ESCO1: variants seen among roughly 807,000 people sequenced by gnomAD.
ESCO1 encodes N-acetyltransferase ESCO1.
Under a neutral mutation model 83.5 loss-of-function variants are expected in ESCO1, and 33 were observed. The observed-to-expected ratio is 0.40, with a 90% CI of 0.30 to 0.53. ESCO1 has a LOEUF of 0.53. Ranked by LOEUF, ESCO1 falls within the 20% of genes least tolerant of loss-of-function variation. The pLI, the probability that ESCO1 is intolerant of heterozygous loss-of-function variation, is 0.63. For synonymous variants in ESCO1, 332 were observed against 324.3 expected, an observed-to-expected ratio of 1.02 and a Z score of -0.25; for missense variants, 855 against 968.0, an observed-to-expected ratio of 0.88 and a Z score of 1.55.
chr18:21,582,694 G>A (rs1027652683), intron 2 of ESCO1, among the ~76,000 whole-genome samples: 2 of 152,056 alleles, frequency 1.3e-5, no homozygotes, highest in African/African-American at 4.8e-5. Context: ...ACAAATGGCT[G>A]GTATAATAGA....
intron 1 of ESCO1, among the ~76,000 whole-genome samples, chr18:21,587,779 A>C (rs933169664): frequency 1.3e-5 from 2 of 152,126 alleles, no homozygotes; most frequent in African/African-American, 4.8e-5. Context: ...TCTACAAAAA[A>C]TAAATTAGCC....
intron 8 of ESCO1, among the ~76,000 whole-genome samples, chr18:21,548,882 G>T (rs1046394841): frequency 1.3e-5 from 2 of 151,534 alleles, no homozygotes; most frequent in African/African-American, 4.9e-5. Context: ...CAAGGCAACA[G>T]TGAGCTCATC....
intron 1 of ESCO1, among the ~76,000 whole-genome samples, chr18:21,584,843 GTGA>G (rs947938641): frequency 4.5e-4 from 69 of 152,040 alleles, no homozygotes; most frequent in African/African-American, 1.6e-3. Flanking sequence ...CAAAAAGCCT[GTGA>G]TGATTTTTCA....
At chr18:21,584,159 A>G (rs183001785) in intron 2 of ESCO1, among the ~76,000 whole-genome samples, 151 bp downstream of exon 2, 108 of 152,346 alleles carry the variant, frequency 7.1e-4, no homozygotes, top group African/African-American at 2.2e-3. Context: ...ACTTTTCACT[A>G]TATACCCACT....
chr18:21,534,594 T>C (rs1436415963), intron 10 of ESCO1, among the ~76,000 whole-genome samples: 1 of 151,968 alleles, frequency 6.6e-6, no homozygotes, highest in African/African-American at 2.4e-5. Flanking sequence ...TCATTCAGAG[T>C]TCAACAAAGG....
chr18:21,591,730 A>C (rs888665913), intron 1 of ESCO1, among the ~76,000 whole-genome samples: 3 of 150,418 alleles, frequency 2.0e-5, no homozygotes, highest in African/African-American at 7.4e-5. Context: ...GGGATTTGGC[A>C]GGGTCATAGG....
chr18:21,550,791 T>C (rs2038035255), intron 8 of ESCO1, among the ~76,000 whole-genome samples: 1 of 152,140 alleles, frequency 6.6e-6, no homozygotes, highest in Non-Finnish European at 1.5e-5. Flanking sequence ...CTGTAACTGT[T>C]GTAATAAGAA....
At chr18:21,577,103 C>T (rs1247309294) in intron 2 of ESCO1, among the ~76,000 whole-genome samples, 1 of 151,744 alleles carries the variant, frequency 6.6e-6, no homozygotes, top group Non-Finnish European at 1.5e-5. Context: ...GCCTGTAATC[C>T]CAACACTTTG....
intron 7 of ESCO1, among the ~76,000 whole-genome samples, chr18:21,563,122 C>T (rs1326936595): frequency 2.0e-5 from 3 of 151,718 alleles, no homozygotes; most frequent in African/African-American, 4.8e-5. Flanking sequence ...CCGCCCATTT[C>T]GGCCTCCCAA....
At chr18:21,597,205 A>AACTTCATAAACTT (rs1568117407) in intron 1 of ESCO1, among the ~76,000 whole-genome samples, 1 of 152,194 alleles carries the variant, frequency 6.6e-6, no homozygotes, top group Non-Finnish European at 1.5e-5. Context: ...CACCCAACAT[A>AACTTCATAAACTT]CTGGTCATAA....
intron 9 of ESCO1, among the ~76,000 whole-genome samples, chr18:21,538,016 T>A (rs1347004317): frequency 1.3e-5 from 2 of 149,478 alleles, no homozygotes; most frequent in Admixed American, 6.7e-5. Context: ...AAAAAAAAAA[T>A]CAAGAAAAGG....
intron 1 of ESCO1, among the ~76,000 whole-genome samples, chr18:21,589,592 A>C (rs1271961348): frequency 6.6e-6 from 1 of 152,126 alleles, no homozygotes; most frequent in Non-Finnish European, 1.5e-5. Context: ...CTTTTTCCCC[A>C]AGCTGCTATG....
Position 21,573,578 on chromosome 18 carries a change from A to C in ESCO1, c.1266T>G (p.Phe422Leu), listed in dbSNP as rs1468476715. 2 of 1,614,180 alleles carry C rather than the reference A, an allele frequency of 1.2e-6. No homozygotes were observed. The highest frequency in any genetic ancestry group is 1.7e-6 in the Non-Finnish European group (2 of 1,180,034). Residue 422 changes from phenylalanine to leucine, a missense_variant, in exon 4 of 12, where the codon TTT (phenylalanine) becomes TTG (leucine). By Grantham distance (22) the Phe-to-Leu change is conservative. Transcript: ENST00000269214. The stretch of plus-strand genomic sequence containing the variant: ...GATGCATTTCTAAAGCTGGTGGTGA[A>C]AAACTGGTTCGTAATAAGCCTAATT... ...SPKLGLLRTS[F>L]SPPALEMHHP...
At position 21,596,384 on chromosome 18, in the gene ESCO1, C is replaced by CT; in HGVS notation, c.-825+4238dup. ...TTAATGCCTCCTTTTAATTTACCCT[C>CT]TGAGTTTTTATCTGTGAGAATCTTA... On this transcript the variant is annotated intron_variant, in intron 1 of 11. Transcript: ENST00000269214. Among the ~76,000 whole-genome samples the CT allele has an allele frequency of 1.3e-5, 2 of 150,492 alleles. 1 individual carries two copies. The highest frequency in any genetic ancestry group is 6.9e-3 in the Middle Eastern group (2 of 288).
chr18:21,551,743 A>G (rs1470452006), intron 8 of ESCO1, among the ~76,000 whole-genome samples: 1 of 152,196 alleles, frequency 6.6e-6, no homozygotes, highest in East Asian at 1.9e-4. Flanking sequence ...GCTGGAAGGT[A>G]TAGAGAGTTC....
At chr18:21,550,067 T>C (rs764987492) in intron 8 of ESCO1, among the ~76,000 whole-genome samples, 3 of 151,970 alleles carry the variant, frequency 2.0e-5, no homozygotes, top group South Asian at 2.1e-4. Context: ...TGAAAAGGCA[T>C]AGAAACAAAA....
Position 21,575,336 on chromosome 18 carries a change from T to C in ESCO1, c.-493A>G, listed in dbSNP as rs1468929793. On this transcript the variant is annotated 5_prime_UTR_variant, in exon 4 of 12. Coordinates refer to ENST00000269214, the MANE Select transcript of ESCO1 (RefSeq NM_052911.3). ...TCTTATGGCTAACACGTTTCTTTCC[T>C]TGTTTGCTGAGTCTGTTGGTTTGCA... The C allele has an allele frequency of 3.3e-5, 13 of 397,512 alleles. No individual in the cohort carries two copies. Among genetic ancestry groups the C allele is most frequent in the Non-Finnish European group, 4.4e-5 (10 of 225,432 alleles). The allele number at this position is 397,512 out of a possible 1,614,324, so 24.6% of individuals were successfully genotyped here.
At chr18:21,585,807 G>A (rs2038567678) in intron 1 of ESCO1, among the ~76,000 whole-genome samples, 1 of 151,870 alleles carries the variant, frequency 6.6e-6, no homozygotes, top group South Asian at 2.1e-4. Flanking sequence ...TGCCCAAGCT[G>A]GTCTCAAACC....
intron 8 of ESCO1, among the ~76,000 whole-genome samples, chr18:21,553,429 C>T (rs1157578586): frequency 7.2e-6 from 1 of 139,058 alleles, no homozygotes; most frequent in Admixed American, 7.7e-5. Context: ...GACACCGCAA[C>T]ACTCCATTTC....
Sources: gnomAD v4.1 joint callset for allele counts (sites outside exome capture counted in the v4.1 genomes callset) on GRCh38, gnomAD v4.1.1 for gene constraint, MANE v1.5 for transcripts, NCBI Gene and HGNC (gene_info 2026-07-23, HGNC 2026-07-21) for gene names.